SUPT6H: variants seen among roughly 807,000 people sequenced by gnomAD.
The protein encoded by SUPT6H is transcription elongation factor SPT6.
Under a neutral mutation model 222.3 loss-of-function variants are expected in SUPT6H, and 11 were observed. That is an observed-to-expected ratio of 0.05 (90% CI 0.03 to 0.08). The LOEUF is 0.08. SUPT6H is among the 10% of genes least tolerant of loss of function. The pLI is 1.00. For missense variants in SUPT6H, 1,422 were observed against 2,216.0 expected (o/e 0.64, Z 7.19); for synonymous variants, 762 against 801.2 (o/e 0.95, Z 0.83).
intron 29 of SUPT6H, among the ~76,000 whole-genome samples, chr17:28,696,453 C>T (rs2031918895): frequency 2.7e-5 from 4 of 150,472 alleles, no homozygotes; most frequent in Admixed American, 6.7e-5. Flanking sequence ...AAAAACTAGC[C>T]AGGCGTGGTG....
intron 1 of SUPT6H, among the ~76,000 whole-genome samples, chr17:28,669,292 A>G (rs1019214395): frequency 1.3e-5 from 2 of 152,130 alleles, no homozygotes; most frequent in African/African-American, 4.8e-5. Context: ...TCCAGGTTCA[A>G]GCAATTCTCC....
At chr17:28,683,496 A>G in intron 16 of SUPT6H, 74 bp downstream of exon 16, 2 of 1,593,312 alleles carry the variant, frequency 1.3e-6, no homozygotes, top group Non-Finnish European at 1.7e-6. Flanking sequence ...AGGGCCCCTC[A>G]GGAGTGGGGA....
intron 1 of SUPT6H, among the ~76,000 whole-genome samples, chr17:28,668,529 C>G (rs543333722): frequency 6.6e-6 from 1 of 152,260 alleles, no homozygotes; most frequent in East Asian, 1.9e-4. Context: ...TATTGCTAAC[C>G]TAGGCGATGG....
chr17:28,667,168 A>G (rs1050911312), intron 1 of SUPT6H, among the ~76,000 whole-genome samples: 1 of 149,214 alleles, frequency 6.7e-6, no homozygotes, highest in African/African-American at 2.5e-5. Context: ...GATTGAGACT[A>G]TCCTGGCTAA....
intron 27 of SUPT6H, among the ~76,000 whole-genome samples, chr17:28,692,265 A>G (rs532522072): frequency 6.8e-6 from 1 of 147,978 alleles, no homozygotes; most frequent in Non-Finnish European, 1.5e-5. Flanking sequence ...CGGAGCCTGC[A>G]GTGAGCCGAG....
At chr17:28,699,944 G>A in intron 33 of SUPT6H, 51 bp downstream of exon 33, 1 of 1,559,866 alleles carries the variant, frequency 6.4e-7, no homozygotes, top group Non-Finnish European at 8.8e-7. Flanking sequence ...GAACACCTAG[G>A]ACCTGACTCA....
At chr17:28,698,921 G>T (rs750686722) in intron 32 of SUPT6H, among the ~76,000 whole-genome samples, 3 of 152,092 alleles carry the variant, frequency 2.0e-5, no homozygotes, top group Non-Finnish European at 4.4e-5. Flanking sequence ...ACTGTGTCCT[G>T]TGTGGAACAG....
chr17:28,689,984 T>TTA (rs1216267673), intron 25 of SUPT6H, 98 bp from the exon 26 acceptor site: 1 of 1,429,634 alleles, frequency 7.0e-7, no homozygotes, highest in Admixed American at 2.3e-5. Context: ...TGACAGAAAC[T>TTA]TACTCCCATC....
chr17:28,684,117 C>T (rs1479382553), intron 17 of SUPT6H, among the ~76,000 whole-genome samples: 1 of 152,120 alleles, frequency 6.6e-6, no homozygotes, highest in African/African-American at 2.4e-5. Context: ...CCACCTTGGC[C>T]TCCCAAAATG....
intron 1 of SUPT6H, 50 bp downstream of exon 1, chr17:28,662,392 C>T (rs1429302285): frequency 6.4e-6 from 1 of 156,872 alleles, no homozygotes; most frequent in South Asian, 1.6e-4. Context: ...AGGTGGGGAA[C>T]CGGGCTCCTA....
At chr17:28,700,913 C>T in intron 35 of SUPT6H, 28 bp from the exon 36 acceptor site, 5 of 1,585,906 alleles carry the variant, frequency 3.2e-6, no homozygotes, top group East Asian at 2.3e-5. Context: ...CCACACCCAT[C>T]CCTATTTAAC....
intron 25 of SUPT6H, 43 bp from the exon 26 acceptor site, chr17:28,690,039 G>C (rs753104810): frequency 6.3e-7 from 1 of 1,587,500 alleles, no homozygotes; most frequent in Admixed American, 1.7e-5. Flanking sequence ...GGCTCAGGTT[G>C]GGGGGCAGCT....
At chr17:28,677,947 A>G in intron 8 of SUPT6H, 129 bp from the exon 9 acceptor site, 1 of 1,285,436 alleles carries the variant, frequency 7.8e-7, no homozygotes, top group Non-Finnish European at 1.1e-6. Flanking sequence ...AGTCCCAACA[A>G]GTGTGTGTAT....
chr17:28,681,043 C>G (rs574882568), intron 11 of SUPT6H: 39 of 511,042 alleles, frequency 7.6e-5, no homozygotes, highest in African/African-American at 6.9e-4. Context: ...CTCAACCGCC[C>G]GGGTTCAAGT....
chr17:28,682,579 C>T lies in SUPT6H; in HGVS notation c.1598-148C>T, dbSNP rs528631630. ...AAGGCTTCAATGAGCCATGATCACA[C>T]CACTGCACTTTAGCCTGGGCAACAG... On this transcript the variant is annotated intron_variant, in intron 13 of 36. Coordinates refer to ENST00000314616, the MANE Select transcript of SUPT6H (RefSeq NM_003170.5). 9.5e-5 allele frequency: 109 copies of T among 1,146,744 alleles called. No individual in the cohort carries two copies. In the East Asian group the frequency reaches 1.8e-3, roughly 19 times the overall value. 71.0% of individuals were successfully genotyped at this position (1,146,744 alleles called of 1,614,324 possible).
rs769446315 is a variant in SUPT6H, at chr17:28,677,824, A to G, written c.999+8A>G. 5 of 1,612,440 alleles carry G rather than the reference A, an allele frequency of 3.1e-6. No homozygotes were observed. The highest frequency in any genetic ancestry group is 4.2e-6 in the Non-Finnish European group (5 of 1,178,616). On this transcript the variant is annotated splice_region_variant and intron_variant, in intron 8 of 36. Coordinates refer to ENST00000314616, the MANE Select transcript of SUPT6H (RefSeq NM_003170.5). The stretch of plus-strand genomic sequence containing the variant: ...CCAACCATTTCTCTCCAGGTACACA[A>G]AAAAGATCCTTAGGTTTTGACATGA...
chr17:28,680,130 C>T (rs2031014149), intron 11 of SUPT6H, among the ~76,000 whole-genome samples: 1 of 150,868 alleles, frequency 6.6e-6, no homozygotes, highest in Non-Finnish European at 1.5e-5. Context: ...CATGGTGAAA[C>T]CCCGTCTCTA....
intron 1 of SUPT6H, among the ~76,000 whole-genome samples, chr17:28,670,577 A>C (rs1454877252): frequency 1.3e-5 from 2 of 152,152 alleles, no homozygotes; most frequent in Non-Finnish European, 2.9e-5. Flanking sequence ...TCTAGGAGAC[A>C]TTCAACTCCT....
intron 27 of SUPT6H, 67 bp downstream of exon 27, chr17:28,691,130 G>A (rs1417951130): frequency 1.3e-6 from 2 of 1,550,322 alleles, no homozygotes; most frequent in African/African-American, 1.4e-5. Flanking sequence ...GCCTAGAAGG[G>A]AATCAGAAAT....
Sources: gnomAD v4.1 joint callset for allele counts (sites outside exome capture counted in the v4.1 genomes callset) on GRCh38, gnomAD v4.1.1 for gene constraint, MANE v1.5 for transcripts, NCBI Gene and HGNC (gene_info 2026-07-23, HGNC 2026-07-21) for gene names.